Variants in RAI1 observed in about 807,000 individuals in gnomAD.
RAI1 encodes retinoic acid-induced protein 1.
In RAI1, 9 loss-of-function variants were observed where a neutral mutation model predicts 123.8. The observed-to-expected ratio is 0.07, with a 90% CI of 0.04 to 0.13. The LOEUF (loss-of-function observed/expected upper bound fraction) is 0.13, where lower values mean the gene tolerates loss of function less well. Ranked by LOEUF, RAI1 falls within the 10% of genes least tolerant of loss-of-function variation. RAI1 has a pLI of 1.00. For synonymous variants in RAI1, 1,231 were observed against 1,127.3 expected, an observed-to-expected ratio of 1.09 and a Z score of -1.84; for missense variants, 2,256 against 2,545.8, an observed-to-expected ratio of 0.89 and a Z score of 2.45.
intron 1 of RAI1, among the ~76,000 whole-genome samples, chr17:17,705,914 C>A (rs1471910527): frequency 3.3e-5 from 5 of 150,610 alleles, no homozygotes; most frequent in Admixed American, 2.6e-4. Context: ...GTCCCAGCTA[C>A]TCGGGAGGCT....
rs2032751380 is a variant in RAI1, at chr17:17,810,991, G to C, written c.*1010G>C. On this transcript the variant is annotated 3_prime_UTR_variant, in exon 6 of 6. Transcript: ENST00000353383. This position sits in a 1 kb window ranked among gnomAD's most constrained non-coding sequence, Gnocchi z 4.6. ...TGTCGCCGCCGTGCGTCGTGCGCCCGCAACAGAGCCCCAACCGGGCCTTTG... is the reference window on the plus strand; with the variant it reads ...TGTCGCCGCCGTGCGTCGTGCGCCCCCAACAGAGCCCCAACCGGGCCTTTG... 2 of 320,242 alleles carry C rather than the reference G, an allele frequency of 6.2e-6. No individual in the cohort carries two copies. Among genetic ancestry groups the C allele is most frequent in the Admixed American group, 4.3e-5 (1 of 23,382 alleles). 19.8% of individuals were successfully genotyped at this position (320,242 alleles called of 1,614,324 possible). A position where few individuals can be genotyped will look rare whatever the true frequency, so the allele number is the denominator to read the frequency against.
intron 1 of RAI1, among the ~76,000 whole-genome samples, chr17:17,683,074 C>G (rs1270441620): frequency 2.0e-5 from 3 of 152,214 alleles, no homozygotes; most frequent in Non-Finnish European, 4.4e-5. Context: ...CTGTCCCCCG[C>G]CCCCCTTTTA....
At chr17:17,780,065 C>G (rs34531934) in intron 2 of RAI1, among the ~76,000 whole-genome samples, 121,275 of 141,342 alleles carry the variant, frequency 0.86, 52,343 homozygotes, top group East Asian at 1. Context: ...GTGAGCCACT[C>G]CACCCAGGCT....
chr17:17,681,721 T>A lies in RAI1; in HGVS notation c.-221T>A. 6.3e-6 allele frequency: 2 copies of A among 316,614 alleles called. No individual in the cohort carries two copies. Among genetic ancestry groups the A allele is most frequent in the Admixed American group, 5.0e-5 (1 of 19,998 alleles). 19.6% of individuals were successfully genotyped at this position (316,614 alleles called of 1,614,324 possible). On this transcript the variant is annotated 5_prime_UTR_variant, in exon 1 of 6. An upstream start codon of the reference 5' UTR is lost. Transcript: ENST00000353383. ...CCGGGCCGCCGCGCCCCGACCCCCATGGCCACCCAGGCCTCCGGGCCGCGA... is the reference window on the plus strand; with the variant it reads ...CCGGGCCGCCGCGCCCCGACCCCCAAGGCCACCCAGGCCTCCGGGCCGCGA...
Position 17,757,802 on chromosome 17 carries a change from AAAC to A in RAI1, c.-17+33647_-17+33649del, listed in dbSNP as rs778505978. On this transcript the variant is annotated intron_variant, in intron 2 of 5. Coordinates refer to ENST00000353383, the MANE Select transcript of RAI1 (RefSeq NM_030665.4). Reference sequence around the variant, plus strand: ...TAAAAGGAGAAGCAGTAATCCATCAAAACAACCCCAGGCGCCGGGGCGGGAGAG... The same window carrying A: ...TAAAAGGAGAAGCAGTAATCCATCAAAACCCCAGGCGCCGGGGCGGGAGAG... Among the ~76,000 whole-genome samples the A allele has an allele frequency of 2.6e-5, 4 of 152,196 alleles. No individual in the cohort carries two copies. In the East Asian group the frequency reaches 7.7e-4, roughly 29 times the overall value.
chr17:17,787,372 A>T (rs2031860460), intron 2 of RAI1, among the ~76,000 whole-genome samples: 1 of 151,920 alleles, frequency 6.6e-6, no homozygotes, highest in African/African-American at 2.4e-5. Flanking sequence ...AGCAATCAGC[A>T]CCCCCCACCC....
At position 17,740,407 on chromosome 17, in the gene RAI1, T is replaced by C. The variant is rs564542866; in HGVS notation, c.-17+16248T>C. Among the ~76,000 whole-genome samples the C allele has an allele frequency of 2.6e-5, 4 of 152,162 alleles. No homozygotes were observed. The East Asian group carries it at 7.7e-4, about 29-fold the overall frequency. On this transcript the variant is annotated intron_variant, in intron 2 of 5. Coordinates refer to ENST00000353383, the MANE Select transcript of RAI1 (RefSeq NM_030665.4). ...CCCTAACACAGCCACCTCTGGAGAG[T>C]TGGGGGTCACCCATCTCTTCTTTGC...
intron 2 of RAI1, among the ~76,000 whole-genome samples, chr17:17,786,492 G>C (rs374198127): frequency 6.6e-6 from 1 of 152,218 alleles, no homozygotes; most frequent in South Asian, 2.1e-4. Flanking sequence ...TCGTGGGGGT[G>C]CAAGGGGTGC....
At chr17:17,770,977 G>A (rs1173663627) in intron 2 of RAI1, among the ~76,000 whole-genome samples, 1 of 152,170 alleles carries the variant, frequency 6.6e-6, no homozygotes, top group East Asian at 1.9e-4. Context: ...CACAGGCCGG[G>A]AGAATTCCTG....
At position 17,809,918 on chromosome 17, in the gene RAI1, G is replaced by T; in HGVS notation, c.5710-52G>T. 1.3e-6 allele frequency: 2 copies of T among 1,554,712 alleles called. No individual in the cohort carries two copies. Among genetic ancestry groups the T allele is most frequent in the Non-Finnish European group, 1.7e-6 (2 of 1,150,396 alleles). On this transcript the variant is annotated intron_variant, in intron 5 of 5. Coordinates refer to ENST00000353383, the MANE Select transcript of RAI1 (RefSeq NM_030665.4). The surrounding 1 kb of genome is among the most constrained non-coding windows in gnomAD (Gnocchi z 4.9). ...GGCCCACACTGGGGGCGGGGCCTAT[G>T]GACTGTGAAGTCCGAGGTCGTCGGT...
intron 4 of RAI1, chr17:17,804,126 C>T (rs1349602965): frequency 2.2e-5 from 11 of 499,586 alleles, no homozygotes; most frequent in South Asian, 1.2e-4. Flanking sequence ...ATGCTGTCTG[C>T]GGAGCCATCA....
intron 1 of RAI1, among the ~76,000 whole-genome samples, chr17:17,717,169 C>T (rs968269097): frequency 3.9e-5 from 6 of 152,180 alleles, no homozygotes; most frequent in African/African-American, 1.4e-4. Flanking sequence ...TCTGTGGCTG[C>T]AGTTGCAGAT....
At chr17:17,735,370 T>C (rs1401556995) in intron 2 of RAI1, among the ~76,000 whole-genome samples, 22 of 148,734 alleles carry the variant, frequency 1.5e-4, no homozygotes, top group African/African-American at 5.0e-4. Flanking sequence ...TTTTTTTTTT[T>C]GAGACGGGGT....
intron 2 of RAI1, among the ~76,000 whole-genome samples, chr17:17,733,351 A>G (rs1916329401): frequency 6.6e-6 from 1 of 152,228 alleles, no homozygotes; most frequent in Admixed American, 6.5e-5. Context: ...GGGGAAAGAT[A>G]AGGAGGTGTG....
rs1010431196 is a variant in RAI1 at position 17,685,722 on chromosome 17, T to C, written c.-149+3929T>C. Among the ~76,000 whole-genome samples the C allele has an allele frequency of 1.3e-5, 2 of 152,202 alleles. No homozygotes were observed. Among genetic ancestry groups the C allele is most frequent in the African/African-American group, 4.8e-5 (2 of 41,460 alleles). ...CCAGCAGATAACCTCCAGTGGCTCC[T>C]GCTGCCTTATGAATAAAGGTCCCAT... On this transcript the variant is annotated intron_variant, in intron 1 of 5. Transcript: ENST00000353383. The surrounding 1 kb of genome is among the most constrained non-coding windows in gnomAD (Gnocchi z 4.0).
chr17:17,688,282 CGAGA>C (rs377364366), intron 1 of RAI1, among the ~76,000 whole-genome samples: 20 of 151,930 alleles, frequency 1.3e-4, no homozygotes, highest in African/African-American at 4.6e-4. Flanking sequence ...GTCAGGAGTT[CGAGA>C]CCAGCCTGGC....
chr17:17,690,069 A>C (rs1005439133), intron 1 of RAI1, among the ~76,000 whole-genome samples: 2 of 152,086 alleles, frequency 1.3e-5, no homozygotes, highest in African/African-American at 4.8e-5. Context: ...GTCTGGCGCC[A>C]GGTGTGCTTG....
chr17:17,795,633 C>A lies in RAI1; in HGVS notation c.2685C>A (p.Ala895=). 1.9e-6 allele frequency: 3 copies of A among 1,613,264 alleles called. No individual in the cohort carries two copies. Among genetic ancestry groups the A allele is most frequent in the Non-Finnish European group, 2.5e-6 (3 of 1,179,890 alleles). Residue 895 remains alanine, a synonymous_variant, in exon 3 of 6, where the codon GCC becomes GCA. Coordinates refer to ENST00000353383, the MANE Select transcript of RAI1 (RefSeq NM_030665.4). The surrounding 1 kb of genome is among the most constrained non-coding windows in gnomAD (Gnocchi z 5.9). ...TGCAGGACCCGCTGTCACCCAAGGC[C>A]CCACTCATCTGCACCAAGGAGGAGG... The part of the protein sequence containing the change: ...PGMQDPLSPK[A]PLICTKEEVE...
intron 2 of RAI1, chr17:17,778,563 C>A (rs1598073449): frequency 2.8e-6 from 1 of 363,080 alleles, no homozygotes. Flanking sequence ...GACCCCGGCA[C>A]CAGAGTCTAG....
Sources: gnomAD v4.1 joint callset for allele counts (sites outside exome capture counted in the v4.1 genomes callset) on GRCh38, gnomAD v4.1.1 for gene constraint, Gnocchi (gnomAD v3.1) non-coding constraint, MANE v1.5 for transcripts, NCBI Gene and HGNC (gene_info 2026-07-23, HGNC 2026-07-21) for gene names.